The following GALNT13 variants were observed in gnomAD, a reference collection of about 807,000 sequenced individuals.
GALNT13 encodes the protein UDP-GalNAc:polypeptide N-acetylgalactosaminyltransferase 13.
In GALNT13, 28 loss-of-function variants were observed where a neutral mutation model predicts 64.2. The observed-to-expected ratio is 0.44, with a 90% CI of 0.32 to 0.60. The LOEUF (loss-of-function observed/expected upper bound fraction) is 0.60. GALNT13 is among the 20% of genes least tolerant of loss of function. The pLI, the probability that GALNT13 is intolerant of heterozygous loss-of-function variation, is 0.05. For synonymous variants in GALNT13, 214 were observed against 224.6 expected, an observed-to-expected ratio of 0.95 and a Z score of 0.42; for missense variants, 577 against 669.8, an observed-to-expected ratio of 0.86 and a Z score of 1.53.
the GALNT13 span, among the ~76,000 whole-genome samples, chr2:153,713,928 C>G: frequency 6.6e-6 from 1 of 152,142 alleles, no homozygotes; most frequent in Non-Finnish European, 1.5e-5. Flanking sequence ...ATTTTCATAT[C>G]CTGGAGAGCA....
chr2:154,423,405 G>T (rs996600049), intron 11 of GALNT13, among the ~76,000 whole-genome samples: 8 of 152,042 alleles, frequency 5.3e-5, no homozygotes, highest in Non-Finnish European at 8.8e-5. Flanking sequence ...AGCATGATTT[G>T]TAATCCTTTG....
At chr2:153,910,719 T>C (rs1319339197) in intron 2 of GALNT13, among the ~76,000 whole-genome samples, 1 of 152,204 alleles carries the variant, frequency 6.6e-6, no homozygotes, top group East Asian at 1.9e-4. Context: ...AGCAGGTTAA[T>C]TTCCATGTAA....
chr2:153,768,404 C>T, the GALNT13 span, among the ~76,000 whole-genome samples: 1 of 152,126 alleles, frequency 6.6e-6, no homozygotes, highest in Non-Finnish European at 1.5e-5. Context: ...AAGTCCCGTA[C>T]TATTATTGTA....
intron 10 of GALNT13, among the ~76,000 whole-genome samples, chr2:154,400,730 T>C (rs565838662): frequency 1.3e-5 from 2 of 152,288 alleles, no homozygotes; most frequent in South Asian, 2.1e-4. Context: ...GCATGTGTCT[T>C]TTAGACTCAG....
intron 3 of GALNT13, among the ~76,000 whole-genome samples, chr2:153,963,011 G>T (rs1376983201): frequency 2.0e-5 from 3 of 152,158 alleles, no homozygotes; most frequent in African/African-American, 4.8e-5. Context: ...GAACACATGG[G>T]ACTGGGTAAT....
At chr2:153,877,655 T>G (rs1236252138) in intron 1 of GALNT13, among the ~76,000 whole-genome samples, 1 of 152,080 alleles carries the variant, frequency 6.6e-6, no homozygotes, top group East Asian at 1.9e-4. Context: ...TATTATATAA[T>G]TAGTTTCAGA....
chr2:154,439,222 T>C (rs1701157798), intron 12 of GALNT13, among the ~76,000 whole-genome samples: 2 of 152,142 alleles, frequency 1.3e-5, no homozygotes, highest in African/African-American at 4.8e-5. Context: ...ATTAGTCACA[T>C]AAAAAGTTGA....
At chr2:153,775,802 T>G in the GALNT13 span, among the ~76,000 whole-genome samples, 1 of 152,154 alleles carries the variant, frequency 6.6e-6, no homozygotes, top group East Asian at 1.9e-4. Flanking sequence ...TGCAACACAC[T>G]GAATAATATT....
At chr2:153,118,362 A>T in the GALNT13 span, among the ~76,000 whole-genome samples, 4 of 152,048 alleles carry the variant, frequency 2.6e-5, no homozygotes, top group African/African-American at 9.6e-5. Context: ...GGCAACCATC[A>T]CCCCTTTCTG....
At chr2:154,013,825 C>A (rs1348686713) in intron 3 of GALNT13, among the ~76,000 whole-genome samples, 1 of 152,108 alleles carries the variant, frequency 6.6e-6, no homozygotes, top group Non-Finnish European at 1.5e-5. Flanking sequence ...TCGGCCCTTG[C>A]GCACACACTG....
the GALNT13 span, among the ~76,000 whole-genome samples, chr2:153,457,356 A>G: frequency 6.6e-6 from 1 of 152,242 alleles, no homozygotes; most frequent in Non-Finnish European, 1.5e-5. Context: ...GAGAACAGAT[A>G]TAGCTAATAA....
At chr2:154,087,544 C>G (rs1404961130) in intron 3 of GALNT13, among the ~76,000 whole-genome samples, 3 of 152,010 alleles carry the variant, frequency 2.0e-5, no homozygotes, top group Non-Finnish European at 4.4e-5. Flanking sequence ...TCTACAACCA[C>G]CACTTCCTAT....
intron 4 of GALNT13, among the ~76,000 whole-genome samples, chr2:154,236,745 C>A (rs1053146913): frequency 1.3e-5 from 2 of 151,902 alleles, no homozygotes; most frequent in Admixed American, 6.6e-5. Context: ...TTTTGCTAAT[C>A]CCATTTAGAT....
intron 9 of GALNT13, among the ~76,000 whole-genome samples, chr2:154,344,602 G>T (rs1695964901): frequency 6.6e-6 from 1 of 151,968 alleles, no homozygotes; most frequent in Non-Finnish European, 1.5e-5. Context: ...GTTTAATAAT[G>T]CCTGTGGATA....
chr2:153,766,848 T>A, the GALNT13 span, among the ~76,000 whole-genome samples: 112 of 152,250 alleles, frequency 7.4e-4, no homozygotes, highest in Non-Finnish European at 1.2e-3. Context: ...TAATTCTTTG[T>A]CTGCCACTTC....
the GALNT13 span, among the ~76,000 whole-genome samples, chr2:153,207,468 C>A: frequency 6.6e-6 from 1 of 152,006 alleles, no homozygotes; most frequent in Non-Finnish European, 1.5e-5. Flanking sequence ...GGATGATGAA[C>A]CCCTACTTGC....
At chr2:153,071,404 T>C in the GALNT13 span, among the ~76,000 whole-genome samples, 17,460 of 152,208 alleles carry the variant, frequency 0.11, 1,079 homozygotes, top group African/African-American at 0.14. Context: ...AAAACTGCCA[T>C]GCAGCAGAGC....
chr2:154,446,531 G>T, intron 12 of GALNT13: 3 of 1,510,592 alleles, frequency 2.0e-6, no homozygotes, highest in South Asian at 2.5e-5. Flanking sequence ...CTTTGTACTT[G>T]ATTTTGTCAT....
At chr2:153,558,763 T>C in the GALNT13 span, among the ~76,000 whole-genome samples, 2 of 152,342 alleles carry the variant, frequency 1.3e-5, no homozygotes, top group Admixed American at 1.3e-4. Flanking sequence ...TCTCTGAAAG[T>C]GTTCAAATTA....
Sources: gnomAD v4.1 joint callset for allele counts (sites outside exome capture counted in the v4.1 genomes callset) on GRCh38, gnomAD v4.1.1 for gene constraint, MANE v1.5 for transcripts, NCBI Gene and HGNC (gene_info 2026-07-23, HGNC 2026-07-21) for gene names.